ULK4: variants seen among roughly 807,000 people sequenced by gnomAD.
ULK4 encodes the protein inactive serine/threonine-protein kinase ULK4.
ULK4 carries 133 observed loss-of-function variants against 160.6 expected under a neutral mutation model. The observed-to-expected ratio is 0.83, with a 90% confidence interval of 0.72 to 0.96. ULK4 has a LOEUF of 0.96. Among genes scored for constraint, ULK4 ranks in the 40% least tolerant of loss-of-function variants. The pLI is 0.00. For synonymous variants in ULK4, 534 were observed against 539.8 expected, an observed-to-expected ratio of 0.99 and a Z score of 0.15; for missense variants, 1,580 against 1,499.5, an observed-to-expected ratio of 1.05 and a Z score of -0.89.
At chr3:41,470,278 A>C (rs931886443) in intron 32 of ULK4, among the ~76,000 whole-genome samples, 112 of 152,318 alleles carry the variant, frequency 7.4e-4, no homozygotes, top group African/African-American at 2.6e-3. Flanking sequence ...ATGTCAGTAG[A>C]TTTCTTAACA....
chr3:41,946,552 C>G lies in ULK4; in HGVS notation c.138+8070G>C, dbSNP rs184020098. ...CAAAGATCCCCTAATCACACTAACACCTGCACTAAATATTCCTTATTCTCT... is the reference window on the plus strand; with the variant it reads ...CAAAGATCCCCTAATCACACTAACAGCTGCACTAAATATTCCTTATTCTCT... On this transcript the variant is annotated intron_variant, in intron 2 of 36. Coordinates refer to ENST00000301831, the MANE Select transcript of ULK4 (RefSeq NM_017886.4). 2.5e-3 allele frequency among the ~76,000 whole-genome samples: 378 copies of G among 152,304 alleles called. 2 individuals are homozygous for G. The highest frequency in any genetic ancestry group is 4.2e-3 in the Non-Finnish European group (283 of 68,028).
At chr3:41,382,179 T>C (rs527846138) in intron 35 of ULK4, among the ~76,000 whole-genome samples, 78 of 152,298 alleles carry the variant, frequency 5.1e-4, no homozygotes, top group African/African-American at 1.8e-3. Flanking sequence ...AAATACCACA[T>C]AGTTTACTTA....
At chr3:41,247,280 C>T (rs914624132) in intron 36 of ULK4, among the ~76,000 whole-genome samples, 1 of 152,176 alleles carries the variant, frequency 6.6e-6, no homozygotes, top group African/African-American at 2.4e-5. Context: ...CCAGACTCTA[C>T]CAGGCCTGGG....
chr3:41,619,700 A>T (rs564714820), intron 30 of ULK4, among the ~76,000 whole-genome samples: 1 of 152,116 alleles, frequency 6.6e-6, no homozygotes, highest in South Asian at 2.1e-4. Context: ...CATCATAATT[A>T]AAAAAAACTA....
intron 21 of ULK4, among the ~76,000 whole-genome samples, chr3:41,762,788 C>G (rs1053762663): frequency 2.0e-5 from 3 of 151,548 alleles, no homozygotes; most frequent in Non-Finnish European, 1.5e-5. Context: ...TCAGCCTCCC[C>G]AGTAGCTGGG....
At chr3:41,336,780 G>A (rs919882553) in intron 35 of ULK4, among the ~76,000 whole-genome samples, 10 of 152,088 alleles carry the variant, frequency 6.6e-5, no homozygotes, top group African/African-American at 2.2e-4. Flanking sequence ...GAAGACTGGC[G>A]GTTCAAATCA....
chr3:41,567,815 T>G (rs1795347), intron 31 of ULK4, among the ~76,000 whole-genome samples: 63,827 of 151,898 alleles, frequency 0.42, 14,880 homozygotes, highest in Middle Eastern at 0.52. Context: ...TTGGTATCTC[T>G]TAATTGATTT....
chr3:41,950,304 A>T (rs900459626), intron 2 of ULK4, among the ~76,000 whole-genome samples: 1 of 151,782 alleles, frequency 6.6e-6, no homozygotes, highest in African/African-American at 2.4e-5. Context: ...GCAGTGGTGC[A>T]ATCTTGGCTC....
At chr3:41,815,548 T>G (rs184144363) in intron 19 of ULK4, among the ~76,000 whole-genome samples, 1 of 152,310 alleles carries the variant, frequency 6.6e-6, no homozygotes, top group African/African-American at 2.4e-5. Flanking sequence ...ACTCTGTAAA[T>G]CAAGTGAGGA....
At chr3:41,877,383 G>A (rs1055336908) in intron 17 of ULK4, among the ~76,000 whole-genome samples, 1 of 151,880 alleles carries the variant, frequency 6.6e-6, no homozygotes, top group Admixed American at 6.6e-5. Flanking sequence ...GCCTAGGCTG[G>A]AGCGCAGTGG....
At chr3:41,726,346 A>T (rs561464410) in intron 22 of ULK4, among the ~76,000 whole-genome samples, 1 of 152,352 alleles carries the variant, frequency 6.6e-6, no homozygotes, top group East Asian at 1.9e-4. Flanking sequence ...CCTCCCCATT[A>T]CAAGATGTGT....
intron 31 of ULK4, among the ~76,000 whole-genome samples, chr3:41,580,185 G>C (rs1298835577): frequency 1.3e-5 from 2 of 152,118 alleles, no homozygotes; most frequent in African/African-American, 4.8e-5. Flanking sequence ...CAACAGACAA[G>C]CGGCTGTCAT....
chr3:41,860,248 C>G (rs1393350308), intron 17 of ULK4, among the ~76,000 whole-genome samples: 2 of 152,064 alleles, frequency 1.3e-5, no homozygotes, highest in Non-Finnish European at 2.9e-5. Context: ...TCCTTTTTGT[C>G]TATAGTGAAG....
At chr3:41,912,487 A>G (rs2148804420) in intron 9 of ULK4, among the ~76,000 whole-genome samples, 1 of 152,310 alleles carries the variant, frequency 6.6e-6, no homozygotes, top group South Asian at 2.1e-4. Context: ...AACAAGTCAC[A>G]TGACCACACC....
chr3:41,953,900 T>C (rs531041597), intron 2 of ULK4, among the ~76,000 whole-genome samples: 2 of 151,542 alleles, frequency 1.3e-5, no homozygotes, highest in African/African-American at 4.8e-5. Flanking sequence ...ATACAAAAAA[T>C]TGGCCGGGCG....
intron 18 of ULK4, among the ~76,000 whole-genome samples, chr3:41,833,363 T>A (rs962340365): frequency 1.3e-5 from 2 of 151,304 alleles, no homozygotes; most frequent in Non-Finnish European, 2.9e-5. Flanking sequence ...TGGCGCAATC[T>A]CGGCTCACTG....
At chr3:41,687,845 T>C (rs1297756117) in intron 27 of ULK4, 1 of 152,212 alleles carries the variant, frequency 6.6e-6, no homozygotes, top group East Asian at 1.9e-4. Flanking sequence ...AGGTAAACCA[T>C]CCTTCCCACC....
intron 32 of ULK4, among the ~76,000 whole-genome samples, chr3:41,491,371 G>C (rs2084757019): frequency 6.6e-6 from 1 of 151,782 alleles, no homozygotes; most frequent in South Asian, 2.1e-4. Flanking sequence ...AAAGTAACTA[G>C]AAGCAACAAT....
In ULK4 at chr3:41,835,939, T is replaced by C. The variant is rs770893175; in HGVS notation, c.1689A>G (p.Glu563=). Residue 563 remains glutamate (E), a synonymous_variant, in exon 18 of 37, where the codon GAA becomes GAG. Transcript: ENST00000301831. ...GTTTTAATTTGCTGTTCCTGAAGTT[T>C]TCCCTAATTAATTCAGTTAAGAGAA... is the stretch of plus-strand genomic sequence containing the variant. ...AIVLLTELIR[E]NFRNSKLKQC... The C allele has an allele frequency of 3.1e-6, 5 of 1,611,574 alleles. No homozygotes were observed. Among genetic ancestry groups the C allele is most frequent in the South Asian group, 2.2e-5 (2 of 90,712 alleles).
Sources: gnomAD v4.1 joint callset for allele counts (sites outside exome capture counted in the v4.1 genomes callset) on GRCh38, gnomAD v4.1.1 for gene constraint, MANE v1.5 for transcripts, NCBI Gene and HGNC (gene_info 2026-07-23, HGNC 2026-07-21) for gene names.